Variants in AOPEP observed in about 807,000 individuals in gnomAD.
AOPEP encodes aminopeptidase O (putative).
AOPEP carries 77 observed loss-of-function variants against 98.1 expected under a neutral mutation model. That is an observed-to-expected ratio of 0.78 (90% CI 0.65 to 0.95). The LOEUF (loss-of-function observed/expected upper bound fraction) is 0.95. Among genes scored for constraint, AOPEP ranks in the 40% least tolerant of loss-of-function variants. AOPEP has a pLI of 0.00. For synonymous variants in AOPEP, 346 were observed against 365.3 expected (o/e 0.95, Z 0.60); for missense variants, 1,024 against 1,024.7 (o/e 1.00, Z 0.01).
At chr9:94,768,378 C>T (rs560950727) in intron 2 of AOPEP, among the ~76,000 whole-genome samples, 5 of 152,172 alleles carry the variant, frequency 3.3e-5, no homozygotes, top group South Asian at 2.1e-4. Context: ...CTCCTGGCTG[C>T]GAAAAGACAA....
chr9:94,861,526 G>T (rs1303276714), intron 5 of AOPEP, among the ~76,000 whole-genome samples: 1 of 152,136 alleles, frequency 6.6e-6, no homozygotes, highest in Non-Finnish European at 1.5e-5. Flanking sequence ...GGTCAACAAC[G>T]ACTTCCATGA....
chr9:94,830,731 C>T (rs2406899), intron 5 of AOPEP, among the ~76,000 whole-genome samples: 130,689 of 152,142 alleles, frequency 0.86, 56,278 homozygotes, highest in Non-Finnish European at 0.89. Context: ...CTTGACTTTT[C>T]AATAATTGCC....
At chr9:94,799,403 T>TA (rs765788408) in intron 4 of AOPEP, among the ~76,000 whole-genome samples, 170 of 132,868 alleles carry the variant, frequency 1.3e-3, no homozygotes, top group Middle Eastern at 3.7e-3. Context: ...CCCCATCTCT[T>TA]AAAAAAAAAA....
chr9:94,757,552 A>G (rs1867101), intron 1 of AOPEP, among the ~76,000 whole-genome samples: 1 of 152,234 alleles, frequency 6.6e-6, no homozygotes, highest in African/African-American at 2.4e-5. Flanking sequence ...AGTGGTGACA[A>G]CTGCTCTGTA....
intron 11 of AOPEP, among the ~76,000 whole-genome samples, chr9:94,990,136 G>A (rs746566868): frequency 6.6e-6 from 1 of 152,162 alleles, no homozygotes; most frequent in Non-Finnish European, 1.5e-5. Flanking sequence ...GCCATGTTCC[G>A]CTGGGAGGCT....
chr9:94,737,678 A>T (rs1285202703), intron 1 of AOPEP, among the ~76,000 whole-genome samples: 2 of 152,210 alleles, frequency 1.3e-5, no homozygotes, highest in Non-Finnish European at 2.9e-5. Context: ...ATAATGTGTA[A>T]AGTTTAGTCA....
chr9:95,145,839 C>T, the AOPEP span, among the ~76,000 whole-genome samples: 1 of 152,064 alleles, frequency 6.6e-6, no homozygotes, highest in African/African-American at 2.4e-5. Context: ...TGCTTTACCA[C>T]CGGAGAACGG....
Position 95,086,730 on chromosome 9 carries a change from A to C in AOPEP, c.*53A>C. 1.0e-6 allele frequency: 1 copy of C among 988,134 alleles called. No individual in the cohort carries two copies. Among genetic ancestry groups the C allele is most frequent in the Non-Finnish European group, 1.2e-6 (1 of 830,374 alleles). The allele number at this position is 988,134 out of a possible 1,614,324, so 61.2% of individuals were successfully genotyped here. ...CATTCGTCTCCTCCTAGCCTGGGGG[A>C]CCAGGCTCGAACTGACCCTGGACAT... On this transcript the variant is annotated 3_prime_UTR_variant, in exon 17 of 17. Transcript: ENST00000375315.
At chr9:94,825,378 C>A (rs992504717) in intron 5 of AOPEP, among the ~76,000 whole-genome samples, 37 of 152,238 alleles carry the variant, frequency 2.4e-4, no homozygotes, top group African/African-American at 8.7e-4. Flanking sequence ...TTGTCGAAGG[C>A]ATCTCCAGGG....
chr9:95,037,552 C>A (rs1369531436), intron 13 of AOPEP, among the ~76,000 whole-genome samples: 1 of 152,172 alleles, frequency 6.6e-6, no homozygotes, highest in East Asian at 1.9e-4. Context: ...ATTCACATTT[C>A]TTTTCCACTC....
the AOPEP span, among the ~76,000 whole-genome samples, chr9:95,113,154 G>A: frequency 3.8e-3 from 572 of 152,254 alleles, 2 homozygotes; most frequent in African/African-American, 0.013. Flanking sequence ...GGCCAACCCC[G>A]CAGCCTCCAT....
chr9:94,905,720 A>G (rs2051045855), intron 5 of AOPEP, among the ~76,000 whole-genome samples: 1 of 152,226 alleles, frequency 6.6e-6, no homozygotes, highest in Non-Finnish European at 1.5e-5. Context: ...ACACTCACAG[A>G]GGACTTCCAG....
intron 13 of AOPEP, among the ~76,000 whole-genome samples, chr9:95,037,359 C>T (rs1169352036): frequency 6.6e-6 from 1 of 152,152 alleles, no homozygotes; most frequent in Non-Finnish European, 1.5e-5. Flanking sequence ...ATAGGCTGTA[C>T]AGTTAACCAT....
At chr9:94,996,288 ATATCT>A (rs2061224569) in intron 11 of AOPEP, among the ~76,000 whole-genome samples, 1 of 151,248 alleles carries the variant, frequency 6.6e-6, no homozygotes, top group Non-Finnish European at 1.5e-5. Flanking sequence ...GCTTTCTCTC[ATATCT>A]TATTTATATT....
chr9:94,984,956 A>G (rs1410885139), intron 11 of AOPEP, among the ~76,000 whole-genome samples: 1 of 152,356 alleles, frequency 6.6e-6, no homozygotes, highest in East Asian at 1.9e-4. Flanking sequence ...CACAGTAGAC[A>G]TTCAGAGGGC....
intron 5 of AOPEP, among the ~76,000 whole-genome samples, chr9:94,886,614 T>G (rs570401541): frequency 7.2e-4 from 110 of 152,302 alleles, no homozygotes; most frequent in African/African-American, 2.5e-3. Flanking sequence ...AAGATAATAT[T>G]ATGCAAGATT....
chr9:94,943,932 A>AAAC (rs1250467630), intron 7 of AOPEP, among the ~76,000 whole-genome samples: 42 of 142,474 alleles, frequency 2.9e-4, no homozygotes, highest in African/African-American at 1.3e-3. Flanking sequence ...AAAAAAAAAA[A>AAAC]AAAAAAAAAA....
chr9:94,918,819 G>A (rs2053186151), intron 5 of AOPEP, among the ~76,000 whole-genome samples: 1 of 152,114 alleles, frequency 6.6e-6, no homozygotes, highest in Non-Finnish European at 1.5e-5. Context: ...ATGTGGCCCT[G>A]GGGCTTTCCT....
chr9:95,058,765 G>T (rs796977137), intron 13 of AOPEP, among the ~76,000 whole-genome samples: 1 of 152,344 alleles, frequency 6.6e-6, no homozygotes, highest in African/African-American at 2.4e-5. Flanking sequence ...AAGACACTGG[G>T]AAGAGGGCTC....
Sources: allele counts gnomAD v4.1 joint callset (sites outside exome capture counted in the v4.1 genomes callset), GRCh38; gene constraint gnomAD v4.1.1; transcripts MANE v1.5; gene names NCBI Gene and HGNC (gene_info 2026-07-23, HGNC 2026-07-21).